EFNA5: variants seen among roughly 807,000 people sequenced by gnomAD.
EFNA5 encodes the protein ephrin-A5.
A neutral mutation model predicts 22.9 loss-of-function variants in EFNA5; 5 were observed. The observed-to-expected ratio is 0.22, with a 90% CI of 0.11 to 0.46. EFNA5 has a LOEUF of 0.46. EFNA5 is among the 20% of genes least tolerant of loss of function. The probability of loss-of-function intolerance (pLI) is 0.99; values close to 1 mark genes in which losing one functional copy is unlikely to be tolerated. For missense variants in EFNA5, 237 were observed against 293.3 expected, an observed-to-expected ratio of 0.81 and a Z score of 1.40; for synonymous variants, 113 against 112.2, an observed-to-expected ratio of 1.01 and a Z score of -0.04.
chr5:107,661,017 T>A (rs1335218222), intron 1 of EFNA5, among the ~76,000 whole-genome samples: 3 of 151,530 alleles, frequency 2.0e-5, no homozygotes, highest in Admixed American at 1.3e-4. Context: ...ATCTAAAACA[T>A]TAATGGTCTG....
At chr5:107,502,334 TATC>T (rs1225782566) in intron 1 of EFNA5, among the ~76,000 whole-genome samples, 3 of 152,218 alleles carry the variant, frequency 2.0e-5, no homozygotes, top group African/African-American at 7.2e-5. Flanking sequence ...GAGCTAACAG[TATC>T]ATCATTTAGA....
chr5:107,547,384 C>T (rs1255656343), intron 1 of EFNA5, among the ~76,000 whole-genome samples: 3 of 152,116 alleles, frequency 2.0e-5, no homozygotes, highest in Non-Finnish European at 4.4e-5. Flanking sequence ...CTCATACCTC[C>T]CAACAACAGA....
At position 107,378,188 on chromosome 5, in the gene EFNA5, A is replaced by AT. The variant is rs1252508875; in HGVS notation, c.*3066_*3067insA. On this transcript the variant is annotated 3_prime_UTR_variant, in exon 5 of 5. Transcript: ENST00000333274. ...TAATAATACAGAATTTAAAGAACGCAGTTTTTTTTTTTTTTTTAATGTTTT... is the reference window on the plus strand; with the variant it reads ...TAATAATACAGAATTTAAAGAACGCATGTTTTTTTTTTTTTTTTAATGTTTT... 2.9e-4 allele frequency: 39 copies of AT among 134,522 alleles called. No homozygotes were observed. The highest frequency in any genetic ancestry group is 1.0e-3 in the African/African-American group (33 of 32,508). The allele number at this position is 134,522 out of a possible 1,614,324, so 8.3% of individuals were successfully genotyped here. A position where few individuals can be genotyped will look rare whatever the true frequency, so the allele number is the denominator to read the frequency against.
intron 2 of EFNA5, among the ~76,000 whole-genome samples, chr5:107,408,979 C>CA (rs1174622980): frequency 1.3e-5 from 2 of 152,194 alleles, no homozygotes; most frequent in African/African-American, 2.4e-5. Flanking sequence ...GGAGTGGTAA[C>CA]ACCAACTATT....
At chr5:107,562,313 A>T (rs1414219515) in intron 1 of EFNA5, among the ~76,000 whole-genome samples, 1 of 152,012 alleles carries the variant, frequency 6.6e-6, no homozygotes, top group Non-Finnish European at 1.5e-5. Context: ...TTATCATTCT[A>T]CCTAGCTCTT....
intron 1 of EFNA5, among the ~76,000 whole-genome samples, chr5:107,648,548 C>A (rs1378688440): frequency 6.6e-6 from 1 of 152,062 alleles, no homozygotes; most frequent in Non-Finnish European, 1.5e-5. Context: ...TTTTGAAGCA[C>A]TTAGATTTTT....
intron 2 of EFNA5, among the ~76,000 whole-genome samples, chr5:107,404,939 G>A (rs1427792371): frequency 6.6e-6 from 1 of 152,150 alleles, no homozygotes; most frequent in Non-Finnish European, 1.5e-5. Flanking sequence ...TCAGGTGCAT[G>A]TCAAGAAAAA....
At chr5:107,381,429 C>G in intron 4 of EFNA5, 53 bp from the exon 5 acceptor site, 1 of 1,556,440 alleles carries the variant, frequency 6.4e-7, no homozygotes, top group South Asian at 1.2e-5. Context: ...CTTAATAACT[C>G]TCTTGCAGCA....
At chr5:107,647,799 CTCACACTG>C (rs1486140413) in intron 1 of EFNA5, among the ~76,000 whole-genome samples, 1 of 152,112 alleles carries the variant, frequency 6.6e-6, no homozygotes, top group African/African-American at 2.4e-5. Context: ...CCACCGAAAA[CTCACACTG>C]TCACAGGAAA....
intron 1 of EFNA5, among the ~76,000 whole-genome samples, chr5:107,572,469 C>CT (rs1174861047): frequency 1.3e-5 from 2 of 152,098 alleles, no homozygotes. Context: ...GTTTAGAAAG[C>CT]TAGGGAGGAG....
intron 1 of EFNA5, among the ~76,000 whole-genome samples, chr5:107,544,776 T>C (rs1353839880): frequency 1.3e-5 from 2 of 152,210 alleles, no homozygotes; most frequent in Non-Finnish European, 2.9e-5. Context: ...GAACACAGAA[T>C]GTCTTATTCC....
chr5:107,436,148 A>C (rs148053337), intron 1 of EFNA5, among the ~76,000 whole-genome samples: 2 of 152,218 alleles, frequency 1.3e-5, no homozygotes, highest in Non-Finnish European at 2.9e-5. Context: ...TAAAACTGCT[A>C]TCTCCCAGAA....
At chr5:107,424,410 G>A (rs1202347705) in intron 2 of EFNA5, among the ~76,000 whole-genome samples, 1 of 149,564 alleles carries the variant, frequency 6.7e-6, no homozygotes, top group Non-Finnish European at 1.5e-5. Context: ...TAGCGATGGG[G>A]TTTCACTCTC....
intron 1 of EFNA5, among the ~76,000 whole-genome samples, chr5:107,660,309 T>C (rs1262044737): frequency 9.7e-6 from 1 of 103,176 alleles, no homozygotes; most frequent in African/African-American, 3.8e-5. Flanking sequence ...TATATATATA[T>C]ATATATTTGG....
intron 1 of EFNA5, among the ~76,000 whole-genome samples, chr5:107,631,111 T>C (rs1406556874): frequency 2.0e-5 from 3 of 152,106 alleles, no homozygotes; most frequent in African/African-American, 4.8e-5. Context: ...GTACAAAGAT[T>C]ATACTCAAAA....
chr5:107,500,173 TATA>T (rs936723225), intron 1 of EFNA5, among the ~76,000 whole-genome samples: 130 of 152,320 alleles, frequency 8.5e-4, no homozygotes, highest in Non-Finnish European at 5.9e-5. Flanking sequence ...ACCAATGCAA[TATA>T]ATATCTCCAA....
At chr5:107,399,353 A>AGGAAG (rs1186965734) in intron 2 of EFNA5, among the ~76,000 whole-genome samples, 1 of 149,998 alleles carries the variant, frequency 6.7e-6, no homozygotes, top group Non-Finnish European at 1.5e-5. Flanking sequence ...AGGAAAGGAA[A>AGGAAG]GGAAAGGAAA....
At chr5:107,486,969 C>T (rs1746645640) in intron 1 of EFNA5, among the ~76,000 whole-genome samples, 3 of 152,206 alleles carry the variant, frequency 2.0e-5, no homozygotes, top group Non-Finnish European at 4.4e-5. Flanking sequence ...AAATACTCCA[C>T]ATTGCTGCTA....
At chr5:107,606,405 T>G (rs1031195080) in intron 1 of EFNA5, among the ~76,000 whole-genome samples, 1 of 152,150 alleles carries the variant, frequency 6.6e-6, no homozygotes, top group Non-Finnish European at 1.5e-5. Context: ...AGCCACTTGA[T>G]TCACACAGGG....
Sources: allele counts gnomAD v4.1 joint callset (sites outside exome capture counted in the v4.1 genomes callset), GRCh38; gene constraint gnomAD v4.1.1; transcripts MANE v1.5; gene names NCBI Gene and HGNC (gene_info 2026-07-23, HGNC 2026-07-21).